Variants in SIRPD observed in about 807,000 individuals in gnomAD.
SIRPD encodes signal regulatory protein delta, also known as signal-regulatory protein delta.
Under a neutral mutation model 18.0 loss-of-function variants are expected in SIRPD, and 21 were observed. That is an observed-to-expected ratio of 1.17 (90% CI 0.83 to 1.68). The LOEUF is 1.68. SIRPD is among the 40% of genes most tolerant of loss of function. The probability of loss-of-function intolerance (pLI) is 0.00; values close to 1 mark genes in which losing one functional copy is unlikely to be tolerated. For missense variants in SIRPD, 295 were observed against 238.4 expected (o/e 1.24, Z -1.56); for synonymous variants, 106 against 92.9 (o/e 1.14, Z -0.81).
At chr20:1,537,097 G>A (rs1255584276) in intron 3 of SIRPD, 58 bp downstream of exon 3, 120 of 1,575,370 alleles carry the variant, frequency 7.6e-5, no homozygotes, top group Non-Finnish European at 5.5e-5. Context: ...AAATGGTACC[G>A]CCGCCAAACT....
rs551329622 is a variant in SIRPD, at chr20:1,557,643, G to A, written c.11C>T (p.Pro4Leu). The change falls in exon 1 of 4, where the codon CCT becomes CTT. Residue 4 changes from proline to leucine, a missense_variant. Pro to Leu is a moderately conservative substitution (Grantham distance 98, BLOSUM62 -3). Coordinates refer to ENST00000381623, the MANE Select transcript of SIRPD (RefSeq NM_178460.3). ...CAGAGGTGGGTGGAGTGGGGAGGCA[G>A]GGATGGGCATTGTGGTGAAACCTGG... The part of the protein sequence containing the change: MPI[P>L]ASPLHPPLPS... 2 of 1,611,220 alleles carry A rather than the reference G, an allele frequency of 1.2e-6. No individual in the cohort carries two copies. Among genetic ancestry groups the A allele is most frequent in the South Asian group, 2.2e-5 (2 of 90,722 alleles).
Position 1,557,647 on chromosome 20 carries a change from T to C in SIRPD, c.7A>G (p.Ile3Val). The change falls in exon 1 of 4, where the codon ATC becomes GTC. Residue 3 changes from isoleucine to valine, a missense_variant. Coordinates refer to ENST00000381623, the MANE Select transcript of SIRPD (RefSeq NM_178460.3). Reference sequence around the variant, plus strand: ...GGTGGGTGGAGTGGGGAGGCAGGGATGGGCATTGTGGTGAAACCTGGAGCT... The same window carrying C: ...GGTGGGTGGAGTGGGGAGGCAGGGACGGGCATTGTGGTGAAACCTGGAGCT... MP[I>V]PASPLHPPLP... 1 of 1,611,088 alleles carries C rather than the reference T, an allele frequency of 6.2e-7. No homozygotes were observed. The highest frequency in any genetic ancestry group is 2.2e-5 in the East Asian group (1 of 44,470).
chr20:1,542,288 T>C (rs1186995074), intron 2 of SIRPD, among the ~76,000 whole-genome samples: 1 of 151,968 alleles, frequency 6.6e-6, no homozygotes, highest in Non-Finnish European at 1.5e-5. Context: ...GAATGTTTTT[T>C]GTTTGTGTCC....
chr20:1,543,550 G>T (rs979210748), intron 2 of SIRPD, among the ~76,000 whole-genome samples: 2 of 151,208 alleles, frequency 1.3e-5, no homozygotes, highest in African/African-American at 4.9e-5. Flanking sequence ...TATCTGTTTT[G>T]TTAATGTTTT....
At chr20:1,548,344 T>C (rs931460560) in intron 2 of SIRPD, among the ~76,000 whole-genome samples, 2 of 152,152 alleles carry the variant, frequency 1.3e-5, no homozygotes, top group Non-Finnish European at 2.9e-5. Context: ...AAATTCCTTT[T>C]TTTTTATCAT....
At chr20:1,555,114 T>TACAC (rs1486908859) in intron 1 of SIRPD, among the ~76,000 whole-genome samples, 1 of 151,998 alleles carries the variant, frequency 6.6e-6, no homozygotes, top group Non-Finnish European at 1.5e-5. Flanking sequence ...TACACACACA[T>TACAC]ACACACACAC....
chr20:1,538,440 A>G (rs575954524), intron 2 of SIRPD, among the ~76,000 whole-genome samples: 1 of 151,990 alleles, frequency 6.6e-6, no homozygotes, highest in East Asian at 1.9e-4. Flanking sequence ...GACAGATTCT[A>G]TTTTCTAGAG....
At chr20:1,536,058 T>C (rs2090943883) in intron 3 of SIRPD, among the ~76,000 whole-genome samples, 1 of 152,208 alleles carries the variant, frequency 6.6e-6, no homozygotes, top group African/African-American at 2.4e-5. Context: ...CCATGACTTC[T>C]GTGAGTTCTA....
intron 2 of SIRPD, among the ~76,000 whole-genome samples, chr20:1,550,130 T>G (rs1290311548): frequency 6.6e-6 from 1 of 152,148 alleles, no homozygotes; most frequent in Non-Finnish European, 1.5e-5. Flanking sequence ...ACCCATAACC[T>G]GGAAGACAAG....
In SIRPD at chr20:1,534,330, A is replaced by T. The variant is rs1161861452; in HGVS notation, c.*95T>A. On this transcript the variant is annotated 3_prime_UTR_variant, in exon 4 of 4. Coordinates refer to ENST00000381623, the MANE Select transcript of SIRPD (RefSeq NM_178460.3). ...CAGTGGAAGAAAGCTCTCTTGAAGA[A>T]GGCAAATGAAACTCCTAAAAAGTAG... The T allele has an allele frequency of 4.5e-6, 7 of 1,539,060 alleles. No homozygotes were observed. The Admixed American group carries it at 1.3e-4, about 29-fold the overall frequency.
At chr20:1,555,731 C>G (rs542297378) in intron 1 of SIRPD, among the ~76,000 whole-genome samples, 4 of 152,308 alleles carry the variant, frequency 2.6e-5, no homozygotes, top group African/African-American at 7.2e-5. Context: ...CCATCTTACT[C>G]GGTATATTCC....
chr20:1,537,394 G>C (rs527240366), intron 2 of SIRPD, 84 bp from the exon 3 acceptor site: 1 of 1,411,614 alleles, frequency 7.1e-7, no homozygotes, highest in East Asian at 2.3e-5. Flanking sequence ...GATTATGACC[G>C]TTCCAGTTTC....
chr20:1,550,095 G>A (rs1043880527), intron 2 of SIRPD, among the ~76,000 whole-genome samples: 6 of 152,138 alleles, frequency 3.9e-5, no homozygotes, highest in Non-Finnish European at 5.9e-5. Flanking sequence ...AAAGGGTTCC[G>A]AGAAGAGTCT....
In SIRPD at chr20:1,543,021, A is replaced by G. The variant is rs1046585181; in HGVS notation, c.422-5711T>C. On this transcript the variant is annotated intron_variant, in intron 2 of 3. Transcript: ENST00000381623. ...GATAAGATTTTTAATGTGCTGCTGC[A>G]TTCGGTTAGCCAGTATTTTATTGAG... Among the ~76,000 whole-genome samples, 57 of 152,326 alleles carry G rather than the reference A, an allele frequency of 3.7e-4. 1 individual carries two copies. The highest frequency in any genetic ancestry group is 3.6e-3 in the Admixed American group (55 of 15,302).
intron 1 of SIRPD, among the ~76,000 whole-genome samples, chr20:1,552,664 A>T (rs1600073454): frequency 6.6e-6 from 1 of 152,132 alleles, no homozygotes. Context: ...GGAGGTTCTC[A>T]CCAGCCACCC....
At chr20:1,547,246 C>T (rs1008700739) in intron 2 of SIRPD, among the ~76,000 whole-genome samples, 15 of 152,228 alleles carry the variant, frequency 9.9e-5, no homozygotes, top group Middle Eastern at 3.4e-3. Flanking sequence ...GTTGTTTCAG[C>T]ATTATTTGTT....
At chr20:1,555,108 C>T (rs1256191678) in intron 1 of SIRPD, among the ~76,000 whole-genome samples, 1 of 152,134 alleles carries the variant, frequency 6.6e-6, no homozygotes, top group Non-Finnish European at 1.5e-5. Flanking sequence ...TGATTATACA[C>T]ACACATACAC....
chr20:1,544,249 G>A (rs956245630), intron 2 of SIRPD, among the ~76,000 whole-genome samples: 4 of 152,068 alleles, frequency 2.6e-5, no homozygotes, highest in African/African-American at 9.7e-5. Flanking sequence ...GTGTCTAAAT[G>A]TCTTTGTAGG....
chr20:1,540,926 G>A (rs1324483688), intron 2 of SIRPD, among the ~76,000 whole-genome samples: 1 of 152,154 alleles, frequency 6.6e-6, no homozygotes, highest in Non-Finnish European at 1.5e-5. Context: ...TGCTGAGAAT[G>A]ATGGTTTCAG....
Sources: allele counts gnomAD v4.1 joint callset (sites outside exome capture counted in the v4.1 genomes callset), GRCh38; gene constraint gnomAD v4.1.1; transcripts MANE v1.5; gene names NCBI Gene and HGNC (gene_info 2026-07-23, HGNC 2026-07-21).